The following KCNN2 variants were observed in gnomAD, a reference collection of about 807,000 sequenced individuals.
The protein encoded by KCNN2 is potassium calcium-activated channel subfamily N member 2.
Under a neutral mutation model 55.5 loss-of-function variants are expected in KCNN2, and 24 were observed. The observed-to-expected ratio is 0.43, with a 90% CI of 0.31 to 0.61. KCNN2 has a LOEUF of 0.61. KCNN2 is among the 20% of genes least tolerant of loss of function. The pLI is 0.08. For missense variants in KCNN2, 754 were observed against 853.6 expected (o/e 0.88, Z 1.45); for synonymous variants, 431 against 336.1 (o/e 1.28, Z -3.09).
At chr5:114,114,288 C>T (rs139606826) in intron 1 of KCNN2, among the ~76,000 whole-genome samples, 110 of 152,206 alleles carry the variant, frequency 7.2e-4, no homozygotes, top group African/African-American at 2.6e-3. Flanking sequence ...TAATGCAGTG[C>T]TGCAATCATA....
chr5:114,231,424 C>T (rs1416429301), intron 2 of KCNN2, among the ~76,000 whole-genome samples: 6 of 145,544 alleles, frequency 4.1e-5, no homozygotes, highest in Non-Finnish European at 7.4e-5. Flanking sequence ...TTAGGTCTAA[C>T]GTTTAAGTCT....
chr5:114,381,636 C>A (rs1226482203), intron 2 of KCNN2, among the ~76,000 whole-genome samples: 2 of 152,128 alleles, frequency 1.3e-5, no homozygotes. Context: ...TTACAAAATA[C>A]CCTTGGATTT....
At chr5:114,416,273 G>A (rs1323542528) in intron 3 of KCNN2, among the ~76,000 whole-genome samples, 3 of 152,158 alleles carry the variant, frequency 2.0e-5, no homozygotes, top group African/African-American at 7.2e-5. Flanking sequence ...TTCTCTCCTA[G>A]TTGAGGTAGT....
chr5:114,089,483 G>T (rs1323429663), intron 1 of KCNN2, among the ~76,000 whole-genome samples: 2 of 152,142 alleles, frequency 1.3e-5, no homozygotes, highest in Non-Finnish European at 2.9e-5. Flanking sequence ...ATTCATAATT[G>T]TTCTTTGGCA....
intron 1 of KCNN2, among the ~76,000 whole-genome samples, chr5:114,159,559 G>T (rs1233524116): frequency 6.6e-6 from 1 of 152,022 alleles, no homozygotes; most frequent in East Asian, 1.9e-4. Context: ...TATTGATTGG[G>T]ATAGTTTCTG....
chr5:114,485,639 C>T (rs766611039), intron 5 of KCNN2, among the ~76,000 whole-genome samples: 2 of 152,126 alleles, frequency 1.3e-5, no homozygotes, highest in Non-Finnish European at 2.9e-5. Flanking sequence ...TGGCACTTGG[C>T]TTCTGTGTCA....
At chr5:114,130,802 T>C (rs1330549615) in intron 1 of KCNN2, among the ~76,000 whole-genome samples, 1 of 152,170 alleles carries the variant, frequency 6.6e-6, no homozygotes, top group East Asian at 1.9e-4. Context: ...AAAGCATGTA[T>C]GTATACATCT....
At chr5:114,169,103 T>C (rs1752978079) in intron 1 of KCNN2, among the ~76,000 whole-genome samples, 1 of 152,144 alleles carries the variant, frequency 6.6e-6, no homozygotes, top group South Asian at 2.1e-4. Flanking sequence ...TCCTTCACCT[T>C]CTGCCATGAT....
intron 3 of KCNN2, among the ~76,000 whole-genome samples, chr5:114,427,604 T>C (rs964421789): frequency 2.6e-5 from 4 of 152,252 alleles, no homozygotes; most frequent in Non-Finnish European, 5.9e-5. Flanking sequence ...AAAAGCACTA[T>C]ACAAGAATAT....
intron 3 of KCNN2, among the ~76,000 whole-genome samples, chr5:114,432,722 G>A (rs890860282): frequency 2.0e-5 from 3 of 152,208 alleles, no homozygotes; most frequent in African/African-American, 7.2e-5. Context: ...CGCGGCACTT[G>A]TGGGCCAGCT....
chr5:114,470,675 A>C (rs1761687505), intron 4 of KCNN2, among the ~76,000 whole-genome samples: 1 of 152,208 alleles, frequency 6.6e-6, no homozygotes, highest in African/African-American at 2.4e-5. Flanking sequence ...AAAATATCAA[A>C]ATAACATCAC....
intron 1 of KCNN2, among the ~76,000 whole-genome samples, chr5:114,131,956 C>T (rs1034453078): frequency 6.6e-6 from 1 of 152,128 alleles, no homozygotes; most frequent in Non-Finnish European, 1.5e-5. Context: ...ATGTCCTTTG[C>T]CCACTTTTTA....
intron 1 of KCNN2, among the ~76,000 whole-genome samples, chr5:114,187,462 A>G (rs527901572): frequency 6.6e-6 from 1 of 150,552 alleles, no homozygotes; most frequent in South Asian, 2.1e-4. Context: ...GAATATAAAT[A>G]TCTTTCCAAG....
intron 2 of KCNN2, among the ~76,000 whole-genome samples, chr5:114,306,806 C>T (rs1756286866): frequency 2.7e-5 from 4 of 150,690 alleles, no homozygotes; most frequent in Non-Finnish European, 5.9e-5. Flanking sequence ...ATTCAAGTGA[C>T]TCTTCTGCCT....
At chr5:114,076,855 G>A (rs1216852458) in intron 1 of KCNN2, among the ~76,000 whole-genome samples, 4 of 151,842 alleles carry the variant, frequency 2.6e-5, no homozygotes, top group East Asian at 3.9e-4. Context: ...CAACATGCCC[G>A]GCTAATTTTT....
At chr5:114,206,394 A>G (rs1189859143) in intron 1 of KCNN2, among the ~76,000 whole-genome samples, 1 of 151,986 alleles carries the variant, frequency 6.6e-6, no homozygotes. Flanking sequence ...ACATATCCCA[A>G]ATTCCTCCAG....
At chr5:114,376,717 A>G (rs1393975180) in intron 2 of KCNN2, among the ~76,000 whole-genome samples, 1 of 152,180 alleles carries the variant, frequency 6.6e-6, no homozygotes, top group Non-Finnish European at 1.5e-5. Flanking sequence ...CTTAAACACA[A>G]TGGGGGAAAT....
intron 2 of KCNN2, among the ~76,000 whole-genome samples, chr5:114,241,814 A>G (rs1473646854): frequency 0.012 from 392 of 31,602 alleles, 108 homozygotes; most frequent in Middle Eastern, 0.074. Context: ...ACGTATATAT[A>G]TATATGTGTG....
intron 1 of KCNN2, among the ~76,000 whole-genome samples, chr5:114,195,222 A>G (rs1753529029): frequency 6.6e-6 from 1 of 151,892 alleles, no homozygotes. Context: ...CTGCCGAAAA[A>G]AAAAAGCCAG....
Sources: allele counts gnomAD v4.1 joint callset (sites outside exome capture counted in the v4.1 genomes callset), GRCh38; gene constraint gnomAD v4.1.1; transcripts MANE v1.5; gene names NCBI Gene and HGNC (gene_info 2026-07-23, HGNC 2026-07-21).